The following ZFYVE16 variants were observed in gnomAD, a reference collection of about 807,000 sequenced individuals.
The protein encoded by ZFYVE16 is zinc finger FYVE-type containing 16, also known as zinc finger FYVE domain-containing protein 16.
Under a neutral mutation model 138.1 loss-of-function variants are expected in ZFYVE16, and 89 were observed. That is an observed-to-expected ratio of 0.64 (90% CI 0.54 to 0.77). The LOEUF (loss-of-function observed/expected upper bound fraction) is 0.77. ZFYVE16 is among the 30% of genes least tolerant of loss of function. The pLI, the probability that ZFYVE16 is intolerant of heterozygous loss-of-function variation, is 0.00. For missense variants in ZFYVE16, 1,793 were observed against 1,786.7 expected (o/e 1.00, Z -0.06); for synonymous variants, 596 against 618.3 (o/e 0.96, Z 0.53).
rs762091960 is a variant in ZFYVE16, at chr5:80,437,664, C to T, written c.979C>T (p.Pro327Ser). 4.3e-6 allele frequency: 7 copies of T among 1,611,384 alleles called. No homozygotes were observed. The South Asian group carries it at 7.7e-5, about 18-fold the overall frequency. Reference sequence around the variant, plus strand: ...TTCAAGAGATGAAAATTTCAAATTACCTGACTTTTCCTTTCAGGAAGATAA... The same window carrying T: ...TTCAAGAGATGAAAATTTCAAATTATCTGACTTTTCCTTTCAGGAAGATAA... ...SNSRDENFKL[P>S]DFSFQEDKTV... The change falls in exon 4 of 19, where the codon CCT becomes TCT. Residue 327 changes from proline to serine, a missense_variant. Pro to Ser is a moderately conservative substitution (Grantham distance 74). Around this residue, in one of 2 missense-constraint regions of ZFYVE16, gnomAD observed 1,295 missense variants for 1,204.3 expected, o/e 1.08. Coordinates refer to ENST00000505560, the MANE Select transcript of ZFYVE16 (RefSeq NM_001284236.3).
rs1188119788 is a variant in ZFYVE16, at chr5:80,435,691, T to C, written c.71-1065T>C. The C allele has an allele frequency of 6.2e-5, 26 of 419,688 alleles. 1 individual carries two copies. The Admixed American group carries it at 6.5e-4, about 11-fold the overall frequency. The allele number at this position is 419,688 out of a possible 1,614,324, so 26.0% of individuals were successfully genotyped here. The stretch of plus-strand genomic sequence containing the variant: ...TCAGGCAATCCTCTCACCTCAGCCT[T>C]CTGAGTAGCTGGGACCACAAGTGTG... On this transcript the variant is annotated intron_variant, in intron 3 of 18. Coordinates refer to ENST00000505560, the MANE Select transcript of ZFYVE16 (RefSeq NM_001284236.3).
At chr5:80,440,594 T>A in intron 5 of ZFYVE16, 1 of 985,214 alleles carries the variant, frequency 1.0e-6, no homozygotes, top group South Asian at 4.7e-5. Context: ...TCCCATTATT[T>A]CTTTGGCTCT....
intron 5 of ZFYVE16, chr5:80,441,047 T>C: frequency 2.0e-6 from 2 of 985,440 alleles, no homozygotes; most frequent in Non-Finnish European, 2.4e-6. Context: ...CCATTGTTTA[T>C]GAAGAGGTTA....
chr5:80,440,719 A>G, intron 5 of ZFYVE16: 1 of 960,262 alleles, frequency 1.0e-6, no homozygotes, highest in Non-Finnish European at 1.2e-6. Flanking sequence ...TTTTTTCCCC[A>G]AGTCCATGTT....
rs2112571951 is a variant in ZFYVE16 at position 80,478,675 on chromosome 5, A to G, written c.*1298A>G. Reference sequence around the variant, plus strand: ...TAGCCCTGTTTTAAGAAAAATATTTATGAAGCATCTCAACTTGAAGATCAA... The same window carrying G: ...TAGCCCTGTTTTAAGAAAAATATTTGTGAAGCATCTCAACTTGAAGATCAA... On this transcript the variant is annotated 3_prime_UTR_variant, in exon 19 of 19. Transcript: ENST00000505560. 6.6e-6 allele frequency: 1 copy of G among 152,218 alleles called. No individual in the cohort carries two copies. Among genetic ancestry groups the G allele is most frequent in the Non-Finnish European group, 1.5e-5 (1 of 67,954 alleles). The allele number at this position is 152,218 out of a possible 1,614,324, so 9.4% of individuals were successfully genotyped here.
chr5:80,439,579 ATT>A (rs33928082), intron 4 of ZFYVE16, among the ~76,000 whole-genome samples: 3 of 151,926 alleles, frequency 2.0e-5, no homozygotes, highest in East Asian at 1.9e-4. Context: ...GATCAGTCCT[ATT>A]TTTTTTTAAC....
rs576288003 is a variant in ZFYVE16, at chr5:80,437,604, C to G, written c.919C>G (p.Pro307Ala). 3 of 1,612,746 alleles carry G rather than the reference C, an allele frequency of 1.9e-6. No individual in the cohort carries two copies. The highest frequency in any genetic ancestry group is 2.7e-5 in the African/African-American group (2 of 74,878). Reference sequence around the variant, plus strand: ...GACAAGTGCTTTGACCTGCAGCCTTCCGAAAAATGAAGATTTATGCTTAAA... The same window carrying G: ...GACAAGTGCTTTGACCTGCAGCCTTGCGAAAAATGAAGATTTATGCTTAAA... ...GKTSALTCSL[P>A]KNEDLCLNDS... The change falls in exon 4 of 19, where the codon CCG becomes GCG. Residue 307 changes from proline (P) to alanine (A), a missense_variant. Pro to Ala is a conservative substitution (Grantham distance 27). This residue lies in a region of ZFYVE16 where 1,295 missense variants were observed against 1,204.3 expected (regional missense o/e 1.08). Transcript: ENST00000505560.
In ZFYVE16 at chr5:80,428,919, AGAAAC is replaced by A. The variant is rs1748558105; in HGVS notation, c.-40+1378_-40+1382del. 3.3e-5 allele frequency among the ~76,000 whole-genome samples: 5 copies of A among 152,360 alleles called. No homozygotes were observed. In the South Asian group the frequency reaches 1.0e-3, roughly 32 times the overall value. On this transcript the variant is annotated intron_variant, in intron 2 of 18. Transcript: ENST00000505560. Reference sequence around the variant, plus strand: ...GAAGTTTAGAGAAAAAAGAATAAAAAGAAACGAACAAAGCCTCCAAGAAACATGGG... The same window carrying A: ...GAAGTTTAGAGAAAAAAGAATAAAAAGAACAAAGCCTCCAAGAAACATGGG...
At chr5:80,464,998 T>G (rs200854421) in intron 15 of ZFYVE16, among the ~76,000 whole-genome samples, 1 of 13,944 alleles carries the variant, frequency 7.2e-5, no homozygotes. Flanking sequence ...TGTTTATACA[T>G]TATGTGCCCA....
At position 80,430,404 on chromosome 5, in the gene ZFYVE16, A is replaced by G. The variant is rs957853505; in HGVS notation, c.-40+2859A>G. 4.6e-5 allele frequency among the ~76,000 whole-genome samples: 7 copies of G among 151,980 alleles called. No homozygotes were observed. The East Asian group carries it at 5.8e-4, about 13-fold the overall frequency. On this transcript the variant is annotated intron_variant, in intron 2 of 18. Transcript: ENST00000505560. ...CTTTGAAACCAACGAGAACAAAGACACAACATACCAGAATCTCTGGGACAC... is the reference window on the plus strand; with the variant it reads ...CTTTGAAACCAACGAGAACAAAGACGCAACATACCAGAATCTCTGGGACAC...
intron 1 of ZFYVE16, among the ~76,000 whole-genome samples, chr5:80,419,449 C>T (rs1394141548): frequency 6.6e-6 from 1 of 152,168 alleles, no homozygotes; most frequent in Non-Finnish European, 1.5e-5. Flanking sequence ...GCCCTGATTA[C>T]TAGAACCTTC....
chr5:80,421,894 C>T (rs577515914), intron 1 of ZFYVE16, among the ~76,000 whole-genome samples: 173 of 152,110 alleles, frequency 1.1e-3, no homozygotes, highest in African/African-American at 4.0e-3. Flanking sequence ...GGCAGTATGG[C>T]GATTTTCATG....
chr5:80,425,255 T>A (rs1747826713), intron 1 of ZFYVE16, among the ~76,000 whole-genome samples: 1 of 152,220 alleles, frequency 6.6e-6, no homozygotes, highest in Non-Finnish European at 1.5e-5. Flanking sequence ...TTTAGGTAAT[T>A]TCTTCAGATA....
chr5:80,431,624 A>G (rs927242660), intron 2 of ZFYVE16, among the ~76,000 whole-genome samples: 5 of 152,200 alleles, frequency 3.3e-5, no homozygotes, highest in African/African-American at 7.2e-5. Context: ...AGGGTATTCA[A>G]TTAGGAAAAG....
intron 15 of ZFYVE16, among the ~76,000 whole-genome samples, chr5:80,465,508 C>T (rs765396858): frequency 1.5e-4 from 21 of 136,484 alleles, no homozygotes; most frequent in Non-Finnish European, 2.8e-4. Flanking sequence ...TGGGTTCAAA[C>T]GACCCTCCCA....
rs1207940781 is a variant in ZFYVE16 at position 80,408,324 on chromosome 5, CG to C, written c.-94+175del. 7.9e-5 allele frequency among the ~76,000 whole-genome samples: 12 copies of C among 152,352 alleles called. No individual in the cohort carries two copies. The South Asian group carries it at 2.5e-3, about 32-fold the overall frequency. On this transcript the variant is annotated intron_variant, in intron 1 of 18. Transcript: ENST00000505560. ...CCTTTTCCGAGCCCCCGGAGCTGGC[CG>C]GGGAACCCTGGCCCTCCAATCTGAT... is the stretch of plus-strand genomic sequence containing the variant.
At chr5:80,455,800 G>A (rs1041121138) in intron 12 of ZFYVE16, 26 bp downstream of exon 12, 2 of 1,530,548 alleles carry the variant, frequency 1.3e-6, no homozygotes, top group Non-Finnish European at 1.8e-6. Context: ...ATTTTATTAG[G>A]TATTTTTATA....
At chr5:80,440,978 G>C (rs1750645102) in intron 5 of ZFYVE16, 1 of 985,242 alleles carries the variant, frequency 1.0e-6, no homozygotes, top group Non-Finnish European at 1.2e-6. Context: ...TCTCCCTGCT[G>C]TTGACCTCTG....
In ZFYVE16 at chr5:80,481,375, G is replaced by A. The variant is rs1433237473; in HGVS notation, c.*3998G>A. Among the ~76,000 whole-genome samples the A allele has an allele frequency of 6.6e-6, 1 of 152,142 alleles. No homozygotes were observed. The highest frequency in any genetic ancestry group is 1.5e-5 in the Non-Finnish European group (1 of 68,032). ...CTTAAATCTGTCAATAAAATCCTGG[G>A]ATCATCTCACAAGCTGTGTATGTGT... On this transcript the variant is annotated 3_prime_UTR_variant, in exon 19 of 19. Transcript: ENST00000505560.
Sources: gnomAD v4.1 joint callset for allele counts (sites outside exome capture counted in the v4.1 genomes callset) on GRCh38, gnomAD v4.1.1 for gene constraint, gnomAD v4.1.1 regional missense constraint, MANE v1.5 for transcripts, NCBI Gene and HGNC (gene_info 2026-07-23, HGNC 2026-07-21) for gene names.